Variants in ROPN1L observed in about 807,000 individuals in gnomAD.
The protein encoded by ROPN1L is ropporin-1-like protein.
Under a neutral mutation model 22.7 loss-of-function variants are expected in ROPN1L, and 23 were observed. The ratio of observed to expected loss-of-function variants is 1.01; its 90% CI spans 0.73 to 1.43. The LOEUF (loss-of-function observed/expected upper bound fraction) is 1.43. Ranked by LOEUF, ROPN1L falls within the 40% of genes most tolerant of loss-of-function variation. The probability of loss-of-function intolerance (pLI) is 0.00; values close to 1 mark genes in which losing one functional copy is unlikely to be tolerated. For missense variants in ROPN1L, 271 were observed against 291.5 expected (o/e 0.93, Z 0.51); for synonymous variants, 116 against 117.8 (o/e 0.98, Z 0.10).
rs75233300 is a variant in ROPN1L, at chr5:10,456,978, T to A, written c.418-4206T>A. On this transcript the variant is annotated intron_variant, in intron 3 of 4. Coordinates refer to ENST00000274134, the MANE Select transcript of ROPN1L (RefSeq NM_031916.5). ...GCACACGGTGGTGACGGACTTCCAT[T>A]TGTGTCCAGTGTAAAAGCAAATCCC... Among the ~76,000 whole-genome samples, 228 of 152,288 alleles carry A rather than the reference T, an allele frequency of 1.5e-3. 1 individual carries two copies. Among genetic ancestry groups the A allele is most frequent in the African/African-American group, 5.2e-3 (218 of 41,566 alleles).
chr5:10,466,436 C>T (rs114241432), downstream of ROPN1L, among the ~76,000 whole-genome samples: 1,665 of 152,296 alleles, frequency 0.011, 30 homozygotes, highest in African/African-American at 0.037. Context: ...GCTCAGCGTG[C>T]AACACAGCAT....
intron 4 of ROPN1L, among the ~76,000 whole-genome samples, chr5:10,462,969 G>A (rs370502377): frequency 2.0e-5 from 3 of 152,174 alleles, no homozygotes; most frequent in East Asian, 1.9e-4. Flanking sequence ...ACAATGAAAC[G>A]TAGACATGGA....
In ROPN1L at chr5:10,461,379, A is replaced by G. The variant is rs757349415; in HGVS notation, c.593+20A>G. ...AAATATGTAAGTATGCACCCTCTCTAGGATTCAGGTATGTTGACCATGGGA... is the reference window on the plus strand; with the variant it reads ...AAATATGTAAGTATGCACCCTCTCTGGGATTCAGGTATGTTGACCATGGGA... On this transcript the variant is annotated intron_variant, in intron 4 of 4. Coordinates refer to ENST00000274134, the MANE Select transcript of ROPN1L (RefSeq NM_031916.5). 2 of 1,604,334 alleles carry G rather than the reference A, an allele frequency of 1.2e-6. No homozygotes were observed. The highest frequency in any genetic ancestry group is 1.1e-5 in the South Asian group (1 of 90,636).
chr5:10,462,902 CAAT>C (rs35234246), intron 4 of ROPN1L, among the ~76,000 whole-genome samples: 135,333 of 150,314 alleles, frequency 0.9, 60,981 homozygotes, highest in East Asian at 0.99. Context: ...ATAATAACAA[CAAT>C]AATAATAATA....
At chr5:10,481,943 G>C in the ROPN1L span, 110,049 of 152,252 alleles carry the variant, frequency 0.72, 40,715 homozygotes, top group Middle Eastern at 0.79. Context: ...AACAAGAGGA[G>C]AGTCAGGCCA....
intron 1 of ROPN1L, among the ~76,000 whole-genome samples, chr5:10,447,397 A>T (rs565393674): frequency 2.6e-5 from 4 of 152,166 alleles, no homozygotes; most frequent in Non-Finnish European, 5.9e-5. Flanking sequence ...CCAGAAAGGA[A>T]CAATTAAGGG....
intron 3 of ROPN1L, among the ~76,000 whole-genome samples, chr5:10,456,021 G>T (rs1356654311): frequency 6.6e-6 from 1 of 152,224 alleles, no homozygotes; most frequent in African/African-American, 2.4e-5. Context: ...TGAGGTGACT[G>T]TTGAGGGGCC....
chr5:10,442,919 G>T (rs1450812230), intron 1 of ROPN1L, among the ~76,000 whole-genome samples: 1 of 152,218 alleles, frequency 6.6e-6, no homozygotes, highest in Non-Finnish European at 1.5e-5. Flanking sequence ...ACAGATCTTA[G>T]AGGCATTAAA....
At position 10,461,190 on chromosome 5, in the gene ROPN1L, A is replaced by T; in HGVS notation, c.424A>T (p.Asn142Tyr). 1 of 1,613,106 alleles carries T rather than the reference A, an allele frequency of 6.2e-7. No homozygotes were observed. The highest frequency in any genetic ancestry group is 8.5e-7 in the Non-Finnish European group (1 of 1,179,598). Residue 142 changes from asparagine (N) to tyrosine (Y), a missense_variant, in exon 4 of 5, where the codon AAC becomes TAC. Transcript: ENST00000274134. ...CTGGCTGTGGTGCTCCCAGTCCTTGAACACTGCGCTGAAGCACCTGTGCGA... is the reference window on the plus strand; with the variant it reads ...CTGGCTGTGGTGCTCCCAGTCCTTGTACACTGCGCTGAAGCACCTGTGCGA... ...LGCSMLGGSL[N>Y]TALKHLCEIL...
the ROPN1L span, among the ~76,000 whole-genome samples, chr5:10,479,818 T>C: frequency 2.0e-5 from 3 of 152,088 alleles, no homozygotes; most frequent in Non-Finnish European, 2.9e-5. Flanking sequence ...CGATCTCGGC[T>C]CACGCAACCT....
intron 3 of ROPN1L, among the ~76,000 whole-genome samples, chr5:10,455,982 GC>G (rs1213096505): frequency 2.0e-5 from 3 of 151,796 alleles, no homozygotes; most frequent in Non-Finnish European, 2.9e-5. Context: ...TCATTTCCAT[GC>G]CAGCTGAGAG....
At chr5:10,452,046 G>A (rs181592021) in intron 3 of ROPN1L, among the ~76,000 whole-genome samples, 4 of 152,114 alleles carry the variant, frequency 2.6e-5, no homozygotes, top group Admixed American at 2.0e-4. Flanking sequence ...GAGTGCAATG[G>A]TGTGATCTTG....
At chr5:10,460,087 G>T (rs932886539) in intron 3 of ROPN1L, among the ~76,000 whole-genome samples, 2 of 152,180 alleles carry the variant, frequency 1.3e-5, no homozygotes, top group Non-Finnish European at 2.9e-5. Flanking sequence ...TGAGGGGAGG[G>T]TCCCATAGGC....
chr5:10,459,241 C>CT lies in ROPN1L; in HGVS notation c.418-1941dup, dbSNP rs559638679. ...CCTTCAGGAGAGGCTGAGTCCGGCC[C>CT]TTCCCAGGCCCCTGGCTGGATTATT... On this transcript the variant is annotated intron_variant, in intron 3 of 4. Coordinates refer to ENST00000274134, the MANE Select transcript of ROPN1L (RefSeq NM_031916.5). Among the ~76,000 whole-genome samples the CT allele has an allele frequency of 2.7e-3, 403 of 151,126 alleles. 4 individuals are homozygous for CT. Among genetic ancestry groups the CT allele is most frequent in the Non-Finnish European group, 5.7e-4 (39 of 67,966 alleles).
At chr5:10,477,391 G>A in the ROPN1L span, among the ~76,000 whole-genome samples, 1 of 152,288 alleles carries the variant, frequency 6.6e-6, no homozygotes, top group Non-Finnish European at 1.5e-5. Flanking sequence ...TCCTGCTACC[G>A]TTATTCACAC....
chr5:10,474,232 C>T (rs368534177), downstream of ROPN1L, among the ~76,000 whole-genome samples: 85 of 152,050 alleles, frequency 5.6e-4, no homozygotes, highest in African/African-American at 1.9e-3. Context: ...AGACAGAATC[C>T]TAAGGTGGCT....
chr5:10,443,551 A>G (rs1740952826), intron 1 of ROPN1L, among the ~76,000 whole-genome samples: 1 of 151,560 alleles, frequency 6.6e-6, no homozygotes, highest in Non-Finnish European at 1.5e-5. Flanking sequence ...GAACCCGGGA[A>G]GCGGAGCTTG....
chr5:10,445,687 A>AT (rs2126428379), intron 1 of ROPN1L, among the ~76,000 whole-genome samples: 1 of 152,342 alleles, frequency 6.6e-6, no homozygotes, highest in South Asian at 2.1e-4. Context: ...ACATTTTGGG[A>AT]GGACGAGGCG....
chr5:10,450,851 T>C (rs747236210), intron 3 of ROPN1L, among the ~76,000 whole-genome samples: 1 of 152,168 alleles, frequency 6.6e-6, no homozygotes, highest in Non-Finnish European at 1.5e-5. Flanking sequence ...ATTTTGCTGA[T>C]GTTTGAGTAT....
Sources: allele counts gnomAD v4.1 joint callset (sites outside exome capture counted in the v4.1 genomes callset), GRCh38; gene constraint gnomAD v4.1.1; transcripts MANE v1.5; gene names NCBI Gene and HGNC (gene_info 2026-07-23, HGNC 2026-07-21).